Variants in EML4 observed in about 807,000 individuals in gnomAD.
The protein encoded by EML4 is echinoderm microtubule-associated protein-like 4.
In EML4, 72 loss-of-function variants were observed where a neutral mutation model predicts 129.0. The observed-to-expected ratio is 0.56, with a 90% CI of 0.46 to 0.68. The LOEUF is 0.68. EML4 is among the 30% of genes least tolerant of loss of function. EML4 has a pLI of 0.00. For synonymous variants in EML4, 532 were observed against 405.0 expected, an observed-to-expected ratio of 1.31 and a Z score of -3.77; for missense variants, 1,363 against 1,190.6, an observed-to-expected ratio of 1.14 and a Z score of -2.13.
At chr2:42,287,928 G>A (rs1451428503) in intron 10 of EML4, among the ~76,000 whole-genome samples, 2 of 152,044 alleles carry the variant, frequency 1.3e-5, no homozygotes, top group African/African-American at 4.8e-5. Flanking sequence ...GATGCAGAAG[G>A]GACTAGGATA....
At chr2:42,230,766 A>G (rs1017489366) in intron 1 of EML4, among the ~76,000 whole-genome samples, 6 of 152,164 alleles carry the variant, frequency 3.9e-5, no homozygotes, top group Non-Finnish European at 7.4e-5. Context: ...TTTACAGAAA[A>G]ATTAGGTAGA....
chr2:42,237,901 A>G (rs1431364945), intron 1 of EML4, among the ~76,000 whole-genome samples: 3 of 152,210 alleles, frequency 2.0e-5, no homozygotes, highest in African/African-American at 7.2e-5. Context: ...GTACTTAAGT[A>G]TGAATAAGTT....
intron 11 of EML4, among the ~76,000 whole-genome samples, chr2:42,292,303 A>G (rs1254892380): frequency 6.6e-6 from 1 of 152,352 alleles, no homozygotes; most frequent in East Asian, 1.9e-4. Flanking sequence ...GCAGAAATAT[A>G]TACATGTGTT....
chr2:42,184,350 C>T (rs1034664791), intron 1 of EML4, among the ~76,000 whole-genome samples: 7 of 151,654 alleles, frequency 4.6e-5, no homozygotes, highest in Admixed American at 1.3e-4. Flanking sequence ...CGTCATTTAA[C>T]ATTAGGTATA....
chr2:42,175,853 A>G (rs1206412902), intron 1 of EML4, among the ~76,000 whole-genome samples: 1 of 152,196 alleles, frequency 6.6e-6, no homozygotes, highest in Non-Finnish European at 1.5e-5. Context: ...AGAAAAATAA[A>G]TTATCTTTAG....
At chr2:42,240,598 T>C (rs1324581393) in intron 1 of EML4, among the ~76,000 whole-genome samples, 1 of 152,232 alleles carries the variant, frequency 6.6e-6, no homozygotes, top group African/African-American at 2.4e-5. Flanking sequence ...TTTTAAATTA[T>C]TCCATGATAT....
intron 3 of EML4, among the ~76,000 whole-genome samples, chr2:42,259,762 C>T (rs1347126829): frequency 7.8e-6 from 1 of 127,838 alleles, no homozygotes; most frequent in Admixed American, 9.1e-5. Context: ...CGGCGTCTCG[C>T]TCTGTCACCC....
chr2:42,182,678 C>G (rs1671017587), intron 1 of EML4, among the ~76,000 whole-genome samples: 1 of 152,134 alleles, frequency 6.6e-6, no homozygotes, highest in Non-Finnish European at 1.5e-5. Context: ...TATATCACTT[C>G]CCAAATCTTG....
chr2:42,292,818 C>G (rs1268439744), intron 11 of EML4, among the ~76,000 whole-genome samples: 3 of 152,106 alleles, frequency 2.0e-5, no homozygotes, highest in African/African-American at 7.2e-5. Flanking sequence ...TACTCATACG[C>G]AAAGTGATTT....
intron 6 of EML4, among the ~76,000 whole-genome samples, chr2:42,271,936 CTACAAAAA>C (rs1004270813): frequency 2.0e-5 from 3 of 151,956 alleles, no homozygotes; most frequent in South Asian, 2.1e-4. Context: ...AACCCCATCT[CTACAAAAA>C]TACAAAAATT....
At chr2:42,241,853 T>A (rs1675055030) in intron 1 of EML4, among the ~76,000 whole-genome samples, 1 of 143,066 alleles carries the variant, frequency 7.0e-6, no homozygotes, top group Admixed American at 6.9e-5. Flanking sequence ...AAATATAGAT[T>A]GTGTGTGTAT....
At chr2:42,283,640 A>G (rs1667134587) in intron 8 of EML4, among the ~76,000 whole-genome samples, 1 of 152,184 alleles carries the variant, frequency 6.6e-6, no homozygotes, top group African/African-American at 2.4e-5. Flanking sequence ...CTTTATCCAG[A>G]AAAAAATTAA....
At chr2:42,247,659 C>A (rs555179689) in intron 2 of EML4, among the ~76,000 whole-genome samples, 100 of 150,662 alleles carry the variant, frequency 6.6e-4, no homozygotes, top group Non-Finnish European at 5.5e-4. Flanking sequence ...TGCTTGCTTG[C>A]TTGATTTATT....
At chr2:42,271,083 A>G (rs1233145526) in intron 6 of EML4, among the ~76,000 whole-genome samples, 1 of 151,986 alleles carries the variant, frequency 6.6e-6, no homozygotes, top group Middle Eastern at 3.2e-3. Context: ...TAGTAGAGAC[A>G]AGGTTTCGCC....
At chr2:42,329,539 G>C (rs569712096) in intron 22 of EML4, among the ~76,000 whole-genome samples, 195 bp from the exon 23 acceptor site, 1 of 151,910 alleles carries the variant, frequency 6.6e-6, no homozygotes, top group South Asian at 2.1e-4. Flanking sequence ...CTTCTGTTTC[G>C]TTTTTCCTAT....
At chr2:42,254,247 G>C (rs1216501506) in intron 2 of EML4, among the ~76,000 whole-genome samples, 1 of 152,130 alleles carries the variant, frequency 6.6e-6, no homozygotes, top group South Asian at 2.1e-4. Flanking sequence ...TTGAACCTAA[G>C]AGTTAGAGAC....
intron 1 of EML4, among the ~76,000 whole-genome samples, chr2:42,225,797 A>T (rs961527852): frequency 6.6e-6 from 1 of 152,066 alleles, no homozygotes; most frequent in Non-Finnish European, 1.5e-5. Flanking sequence ...TTTATAGGCA[A>T]TATTGACATA....
chr2:42,199,338 TA>T (rs1228834550), intron 1 of EML4, among the ~76,000 whole-genome samples: 1 of 152,214 alleles, frequency 6.6e-6, no homozygotes, highest in Non-Finnish European at 1.5e-5. Flanking sequence ...TTGCCCAGGC[TA>T]ATGGTGGCTG....
chr2:42,284,289 A>G (rs1381280427), intron 8 of EML4, among the ~76,000 whole-genome samples: 1 of 152,252 alleles, frequency 6.6e-6, no homozygotes, highest in Non-Finnish European at 1.5e-5. Context: ...ATTAAACAGC[A>G]CAATATTGCA....
Sources: allele counts gnomAD v4.1 joint callset (sites outside exome capture counted in the v4.1 genomes callset), GRCh38; gene constraint gnomAD v4.1.1; transcripts MANE v1.5; gene names NCBI Gene and HGNC (gene_info 2026-07-23, HGNC 2026-07-21).